The following INPP5A variants were observed in gnomAD, a reference collection of about 807,000 sequenced individuals.
INPP5A encodes inositol polyphosphate-5-phosphatase A.
A neutral mutation model predicts 65.2 loss-of-function variants in INPP5A; 14 were observed. The observed-to-expected ratio is 0.21, with a 90% CI of 0.14 to 0.34. INPP5A has a LOEUF of 0.34. Among genes scored for constraint, INPP5A ranks in the 10% least tolerant of loss-of-function variants. The pLI, the probability that INPP5A is intolerant of heterozygous loss-of-function variation, is 1.00. For missense variants in INPP5A, 431 were observed against 545.6 expected (o/e 0.79, Z 2.09); for synonymous variants, 207 against 208.3 (o/e 0.99, Z 0.05).
chr10:132,565,892 C>T (rs1054996618), intron 1 of INPP5A, among the ~76,000 whole-genome samples: 3 of 152,030 alleles, frequency 2.0e-5, no homozygotes, highest in Admixed American at 6.6e-5. Context: ...TTTTGAGTCT[C>T]TTTGAATTGG....
chr10:132,676,329 C>T lies in INPP5A; in HGVS notation c.307-14063C>T, dbSNP rs1273892561. On this transcript the variant is annotated intron_variant, in intron 4 of 15. Transcript: ENST00000368594. This position sits in a 1 kb window ranked among gnomAD's most constrained non-coding sequence, Gnocchi z 4.0. Reference sequence around the variant, plus strand: ...TTTTCATGAGACCTGCGGAAAGGCTCTGGGGCGTCACGTCTCCCTGTGGCC... The same window carrying T: ...TTTTCATGAGACCTGCGGAAAGGCTTTGGGGCGTCACGTCTCCCTGTGGCC... 2.0e-5 allele frequency among the ~76,000 whole-genome samples: 3 copies of T among 152,184 alleles called. No homozygotes were observed. Among genetic ancestry groups the T allele is most frequent in the Non-Finnish European group, 2.9e-5 (2 of 68,034 alleles).
At position 132,684,685 on chromosome 10, in the gene INPP5A, G is replaced by T. The variant is rs184035002; in HGVS notation, c.307-5707G>T. Among the ~76,000 whole-genome samples, 141 of 152,340 alleles carry T rather than the reference G, an allele frequency of 9.3e-4. 2 individuals are homozygous for T. Among genetic ancestry groups the T allele is most frequent in the Admixed American group, 9.0e-3 (138 of 15,302 alleles). On this transcript the variant is annotated intron_variant, in intron 4 of 15. Transcript: ENST00000368594. ...AGATCAGGCTCAGAACCACATGCCT[G>T]CCTCAGCTCGGGCAGGTGCTTTCAC...
At chr10:132,626,170 CTG>C (rs1010256405) in intron 2 of INPP5A, among the ~76,000 whole-genome samples, 64 of 152,372 alleles carry the variant, frequency 4.2e-4, no homozygotes, top group African/African-American at 1.5e-3. Flanking sequence ...TTGTCACACA[CTG>C]TGGCTCAGTG....
intron 6 of INPP5A, among the ~76,000 whole-genome samples, chr10:132,703,460 C>A (rs1485799177): frequency 7.1e-6 from 1 of 141,664 alleles, no homozygotes; most frequent in Non-Finnish European, 1.5e-5. Flanking sequence ...ACACATGCTT[C>A]ACCCACAGAC....
rs879459074 is a variant in INPP5A, at chr10:132,560,908, CT to C, written c.75+22750del. 3.5e-3 allele frequency among the ~76,000 whole-genome samples: 483 copies of C among 139,854 alleles called. 1 individual carries two copies. Among genetic ancestry groups the C allele is most frequent in the Middle Eastern group, 3.8e-3 (1 of 264 alleles). The allele number at this position is 139,854 out of a possible 152,430, so 91.7% of individuals were successfully genotyped here. On this transcript the variant is annotated intron_variant, in intron 1 of 15. Coordinates refer to ENST00000368594, the MANE Select transcript of INPP5A (RefSeq NM_005539.5). ...ATAGGTGTGAACCACCATGCCCAGG[CT>C]TTTTTTTTTTTTAATTGTTGAGTTT... is the stretch of plus-strand genomic sequence containing the variant.
At chr10:132,601,514 G>C (rs906260165) in intron 1 of INPP5A, among the ~76,000 whole-genome samples, 7 of 152,170 alleles carry the variant, frequency 4.6e-5, no homozygotes, top group Admixed American at 3.9e-4. Flanking sequence ...TGTCCCGCTT[G>C]TCTGTTTTTC....
At chr10:132,747,727 C>CA (rs1846396931) in intron 9 of INPP5A, among the ~76,000 whole-genome samples, 1 of 152,226 alleles carries the variant, frequency 6.6e-6, no homozygotes, top group Non-Finnish European at 1.5e-5. Context: ...TTTTATAAAA[C>CA]AAAAATCATA....
chr10:132,752,963 A>C (rs1348976806), intron 11 of INPP5A, among the ~76,000 whole-genome samples: 1 of 152,094 alleles, frequency 6.6e-6, no homozygotes, highest in Non-Finnish European at 1.5e-5. Flanking sequence ...GTGATTGCGG[A>C]GGCCTGGTGC....
intron 2 of INPP5A, among the ~76,000 whole-genome samples, chr10:132,630,822 T>G (rs1432660213): frequency 1.3e-5 from 2 of 152,090 alleles, no homozygotes; most frequent in African/African-American, 2.4e-5. Context: ...GGGACGTGCT[T>G]CTTAAACTAG....
intron 9 of INPP5A, among the ~76,000 whole-genome samples, chr10:132,734,164 C>T (rs191681771): frequency 7.7e-4 from 117 of 152,334 alleles, no homozygotes; most frequent in African/African-American, 2.3e-3. Flanking sequence ...TCGCTGCAGG[C>T]GCACCTGAGA....
chr10:132,599,399 C>G (rs1312774554), intron 1 of INPP5A, among the ~76,000 whole-genome samples: 3 of 152,260 alleles, frequency 2.0e-5, no homozygotes, highest in Non-Finnish European at 2.9e-5. Context: ...TCTCCTTTGA[C>G]TCCTGGTCTC....
rs1390156811 is a variant in INPP5A, at chr10:132,706,424, C to T, written c.475-1889C>T. Among the ~76,000 whole-genome samples the T allele has an allele frequency of 1.3e-5, 2 of 152,230 alleles. No individual in the cohort carries two copies. The highest frequency in any genetic ancestry group is 4.8e-5 in the African/African-American group (2 of 41,458). ...TAAAAATAAACCCATACCTGGATGG[C>T]AGTGAAGCTTCAGAATATTGATGAC... is the stretch of plus-strand genomic sequence containing the variant. On this transcript the variant is annotated intron_variant, in intron 6 of 15. Transcript: ENST00000368594. The surrounding 1 kb of genome is among the most constrained non-coding windows in gnomAD (Gnocchi z 4.7).
rs771695384 is a variant in INPP5A, at chr10:132,652,017, T to TTCCTCCCTCTCCCCCTTGGTCCC, written c.306+1544_306+1566dup. ...CAGGATGTAGCTCCTCCTGTCAGCC[T>TTCCTCCCTCTCCCCCTTGGTCCC]TCCTCCCTCTCCCCCTTGGTCCCTC... is the stretch of plus-strand genomic sequence containing the variant. On this transcript the variant is annotated intron_variant, in intron 4 of 15. Transcript: ENST00000368594. Among the ~76,000 whole-genome samples, 846 of 151,432 alleles carry TTCCTCCCTCTCCCCCTTGGTCCC rather than the reference T, an allele frequency of 5.6e-3. 6 individuals carry two copies. Among genetic ancestry groups the TTCCTCCCTCTCCCCCTTGGTCCC allele is most frequent in the African/African-American group, 0.02 (803 of 40,884 alleles).
chr10:132,697,873 C>T lies in INPP5A; in HGVS notation c.428C>T (p.Thr143Met), dbSNP rs139296617. ...KEIYSDTLESTPMLEKEKFPQ... is the reference protein window; with the variant it reads ...KEIYSDTLESMPMLEKEKFPQ... ...ATCTACTCGGATACCTTAGAGAGCA[C>T]GCCCATGCTGGAGAAGGAGAAGTTT... The change falls in exon 6 of 16, where the codon ACG becomes ATG. Residue 143 changes from threonine to methionine, a missense_variant. Transcript: ENST00000368594. This position sits in a 1 kb window ranked among gnomAD's most constrained non-coding sequence, Gnocchi z 5.6. The T allele has an allele frequency of 1.3e-5, 21 of 1,613,800 alleles. No homozygotes were observed. The highest frequency in any genetic ancestry group is 2.2e-5 in the South Asian group (2 of 91,064).
chr10:132,539,726 G>A (rs561596447), intron 1 of INPP5A, among the ~76,000 whole-genome samples: 6 of 127,212 alleles, frequency 4.7e-5, no homozygotes, highest in African/African-American at 1.8e-4. Flanking sequence ...GTGGGGCACC[G>A]CACCAGCTTT....
rs1396159564 is a variant in INPP5A, at chr10:132,705,266, T to C, written c.475-3047T>C. On this transcript the variant is annotated intron_variant, in intron 6 of 15. Coordinates refer to ENST00000368594, the MANE Select transcript of INPP5A (RefSeq NM_005539.5). This position sits in a 1 kb window ranked among gnomAD's most constrained non-coding sequence, Gnocchi z 4.9. The stretch of plus-strand genomic sequence containing the variant: ...GCCTCCCCGAGAGAGGAGGCGGACA[T>C]GTTTGGAATCAGAGACAAGTGTCTG... 2.0e-5 allele frequency among the ~76,000 whole-genome samples: 3 copies of C among 151,836 alleles called. No individual in the cohort carries two copies. The highest frequency in any genetic ancestry group is 7.3e-5 in the African/African-American group (3 of 41,300).
At chr10:132,617,901 C>T (rs2072061946) in intron 2 of INPP5A, among the ~76,000 whole-genome samples, 1 of 152,230 alleles carries the variant, frequency 6.6e-6, no homozygotes, top group Non-Finnish European at 1.5e-5. Context: ...GTGCGTACAG[C>T]TTACTCTCTC....
At chr10:132,755,689 T>TG (rs889896134) in intron 11 of INPP5A, among the ~76,000 whole-genome samples, 6 of 151,924 alleles carry the variant, frequency 3.9e-5, no homozygotes, top group African/African-American at 9.7e-5. Context: ...TGGGTGTGTG[T>TG]GGGGGGTGGT....
intron 12 of INPP5A, among the ~76,000 whole-genome samples, chr10:132,776,965 C>T (rs1014148476): frequency 2.6e-5 from 4 of 152,198 alleles, no homozygotes; most frequent in African/African-American, 4.8e-5. Flanking sequence ...GAGCTGTGCC[C>T]TGGCCGGCGG....
Sources: allele counts gnomAD v4.1 joint callset (sites outside exome capture counted in the v4.1 genomes callset), GRCh38; gene constraint gnomAD v4.1.1; non-coding constraint Gnocchi (gnomAD v3.1); transcripts MANE v1.5; gene names NCBI Gene and HGNC (gene_info 2026-07-23, HGNC 2026-07-21).